The following HMX3 variants were observed in gnomAD, a reference collection of about 807,000 sequenced individuals.
HMX3 encodes homeobox protein HMX3.
HMX3 carries 8 observed loss-of-function variants against 22.8 expected under a neutral mutation model. The ratio of observed to expected loss-of-function variants is 0.35; its 90% confidence interval spans 0.21 to 0.63. The LOEUF is 0.63. Ranked by LOEUF, HMX3 falls within the 30% of genes least tolerant of loss-of-function variation. The probability of loss-of-function intolerance (pLI) is 0.72; values close to 1 mark genes in which losing one functional copy is unlikely to be tolerated. For synonymous variants in HMX3, 331 were observed against 250.9 expected (o/e 1.32, Z -3.02); for missense variants, 527 against 520.6 (o/e 1.01, Z -0.12).
rs1312345728 is a variant in HMX3, at chr10:123,136,656, G to T, written c.400+206G>T. Among the ~76,000 whole-genome samples, 7 of 152,182 alleles carry T rather than the reference G, an allele frequency of 4.6e-5. No individual in the cohort carries two copies. The highest frequency in any genetic ancestry group is 7.3e-5 in the Non-Finnish European group (5 of 68,038). ...TGGTGAGAAAAGAAGTGGAATTGGA[G>T]CCCCGGGCACGGTGCTTCCCGGGAA... On this transcript the variant is annotated intron_variant, in intron 1 of 1. Coordinates refer to ENST00000357878, the MANE Select transcript of HMX3 (RefSeq NM_001105574.2). The surrounding 1 kb of genome is among the most constrained non-coding windows in gnomAD (Gnocchi z 4.8).
chr10:123,137,748 G>A lies in HMX3; in HGVS notation c.*17G>A, dbSNP rs1158111173. The A allele has an allele frequency of 6.4e-6, 9 of 1,414,404 alleles. No homozygotes were observed. The African/African-American group carries it at 9.0e-5, about 14-fold the overall frequency. 87.6% of individuals were successfully genotyped at this position (1,414,404 alleles called of 1,614,324 possible). A position where few individuals can be genotyped will look rare whatever the true frequency, so the allele number is the denominator to read the frequency against. ...CCGGTCTGAGGCCCCAGAGGGGTGG[G>A]GGAGGGAGCGCCCGGCCTCCTTGTC... is the stretch of plus-strand genomic sequence containing the variant. On this transcript the variant is annotated 3_prime_UTR_variant, in exon 2 of 2. Coordinates refer to ENST00000357878, the MANE Select transcript of HMX3 (RefSeq NM_001105574.2). This position sits in a 1 kb window ranked among gnomAD's most constrained non-coding sequence, Gnocchi z 5.8.
In HMX3 at chr10:123,137,629, G is replaced by T. The variant is rs1215901748; in HGVS notation, c.972G>T (p.Ala324=). 2.6e-6 allele frequency: 4 copies of T among 1,533,054 alleles called. No homozygotes were observed. Among genetic ancestry groups the T allele is most frequent in the Admixed American group, 4.2e-5 (2 of 48,126 alleles). 95.0% of individuals were successfully genotyped at this position (1,533,054 alleles called of 1,614,324 possible). The change falls in exon 2 of 2, where the codon GCG becomes GCT. Residue 324 remains alanine (A), a synonymous_variant. Transcript: ENST00000357878. This position sits in a 1 kb window ranked among gnomAD's most constrained non-coding sequence, Gnocchi z 5.8. ...SAAEGAAAAA[A]GAPVPVSQPL... is the part of the protein sequence containing the mutation. ...CCGAGGGCGCGGCGGCTGCAGCCGC[G>T]GGGGCCCCGGTGCCAGTCAGCCAGC...
At position 123,136,601 on chromosome 10, in the gene HMX3, G is replaced by T. The variant is rs887988112; in HGVS notation, c.400+151G>T. 2.5e-5 allele frequency: 14 copies of T among 552,662 alleles called. No individual in the cohort carries two copies. In the African/African-American group the frequency reaches 2.7e-4, roughly 11 times the overall value. The allele number at this position is 552,662 out of a possible 1,614,324, so 34.2% of individuals were successfully genotyped here. On this transcript the variant is annotated intron_variant, in intron 1 of 1. Transcript: ENST00000357878. This position sits in a 1 kb window ranked among gnomAD's most constrained non-coding sequence, Gnocchi z 4.8. ...CGGCCCCTAGCCTGCCCTCGCGCTG[G>T]GTTGCGCTGCCCGTTAATCCAATCC...
rs572441443 is a variant in HMX3, at chr10:123,136,428, C to T, written c.378C>T (p.Gly126=). Reference sequence around the variant, plus strand: ...ACCCCTACACCCTGACCCCCGCCGGCGGCCACCTCCCGCGACCTGAAGGTA... The same window carrying T: ...ACCCCTACACCCTGACCCCCGCCGGTGGCCACCTCCCGCGACCTGAAGGTA... ...WWYPYTLTPA[G]GHLPRPEASE... The change falls in exon 1 of 2, where the codon GGC becomes GGT. Residue 126 remains glycine (G), a synonymous_variant. Transcript: ENST00000357878. This position sits in a 1 kb window ranked among gnomAD's most constrained non-coding sequence, Gnocchi z 4.8. 6 of 1,469,292 alleles carry T rather than the reference C, an allele frequency of 4.1e-6. No homozygotes were observed. In the East Asian group the frequency reaches 1.1e-4, roughly 27 times the overall value. The allele number at this position is 1,469,292 out of a possible 1,614,324, so 91.0% of individuals were successfully genotyped here.
In HMX3 at chr10:123,137,383, C is replaced by G. The variant is rs372099696; in HGVS notation, c.726C>G (p.Leu242=). Residue 242 remains leucine (L), a synonymous_variant, in exon 2 of 2, where the codon CTC becomes CTG. Coordinates refer to ENST00000357878, the MANE Select transcript of HMX3 (RefSeq NM_001105574.2). This position sits in a 1 kb window ranked among gnomAD's most constrained non-coding sequence, Gnocchi z 5.8. Reference sequence around the variant, plus strand: ...TCTCGCGCAGCCAGGTCTTCCAGCTCGAGTCCACCTTCGACATGAAGCGCT... The same window carrying G: ...TCTCGCGCAGCCAGGTCTTCCAGCTGGAGTCCACCTTCGACATGAAGCGCT... ...TVFSRSQVFQ[L]ESTFDMKRYL... 3 of 1,613,436 alleles carry G rather than the reference C, an allele frequency of 1.9e-6. No individual in the cohort carries two copies. In the Admixed American group the frequency reaches 5.0e-5, roughly 27 times the overall value.
At position 123,137,584 on chromosome 10, in the gene HMX3, C is replaced by A; in HGVS notation, c.927C>A (p.Leu309=). Residue 309 remains leucine (L), a synonymous_variant, in exon 2 of 2, where the codon CTC becomes CTA. Coordinates refer to ENST00000357878, the MANE Select transcript of HMX3 (RefSeq NM_001105574.2). This position sits in a 1 kb window ranked among gnomAD's most constrained non-coding sequence, Gnocchi z 5.8. ...AAQRIVRVPI[L]YHENSAAEGA... ...AGCGCATCGTGCGGGTGCCCATCCTCTACCACGAGAACTCGGCGGCCGAGG... is the reference window on the plus strand; with the variant it reads ...AGCGCATCGTGCGGGTGCCCATCCTATACCACGAGAACTCGGCGGCCGAGG... 6.2e-7 allele frequency: 1 copy of A among 1,600,810 alleles called. No homozygotes were observed. Among genetic ancestry groups the A allele is most frequent in the Middle Eastern group, 1.7e-4 (1 of 5,992 alleles).
chr10:123,136,909 G>C lies in HMX3; in HGVS notation c.401-149G>C. 11 of 924,992 alleles carry C rather than the reference G, an allele frequency of 1.2e-5. No homozygotes were observed. Among genetic ancestry groups the C allele is most frequent in the Non-Finnish European group, 1.7e-5 (11 of 640,298 alleles). 57.3% of individuals were successfully genotyped at this position (924,992 alleles called of 1,614,324 possible). ...TCGGCGTCCCTTCTCTGGCCCAGCC[G>C]AGAAGGAGGCAGCCCGCGGGAATGG... On this transcript the variant is annotated intron_variant, in intron 1 of 1. Coordinates refer to ENST00000357878, the MANE Select transcript of HMX3 (RefSeq NM_001105574.2). This position sits in a 1 kb window ranked among gnomAD's most constrained non-coding sequence, Gnocchi z 4.8.
rs1844100911 is a variant in HMX3 at position 123,138,294 on chromosome 10, T to A, written c.*563T>A. Among the ~76,000 whole-genome samples the A allele has an allele frequency of 1.3e-5, 2 of 151,946 alleles. No individual in the cohort carries two copies. Among genetic ancestry groups the A allele is most frequent in the Non-Finnish European group, 2.9e-5 (2 of 67,984 alleles). ...CCTCCCGAGTAGCTGGGATTGCAGG[T>A]GTGTGCCACCACGTCCGGCTAATTT... On this transcript the variant is annotated 3_prime_UTR_variant, in exon 2 of 2. Transcript: ENST00000357878.
rs376174025 is a variant in HMX3, at chr10:123,137,276, C to T, written c.619C>T (p.Pro207Ser). 60 of 1,594,838 alleles carry T rather than the reference C, an allele frequency of 3.8e-5. No homozygotes were observed. Among genetic ancestry groups the T allele is most frequent in the Middle Eastern group, 1.7e-4 (1 of 6,044 alleles). ...GAGCGTAGGGGCGGCGGCGGCCACT[C>T]CGGGCGCAGAAGACTGGAAGAAGGG... ...GASVGAAAATPGAEDWKKGAE... is the reference protein window; with the variant it reads ...GASVGAAAATSGAEDWKKGAE... Residue 207 changes from proline to serine, a missense_variant, in exon 2 of 2, where the codon CCG becomes TCG. Transcript: ENST00000357878. The surrounding 1 kb of genome is among the most constrained non-coding windows in gnomAD (Gnocchi z 5.8).
rs570089436 is a variant in HMX3 at position 123,137,538 on chromosome 10, A to T, written c.881A>T (p.Asn294Ile). 3.7e-6 allele frequency: 6 copies of T among 1,611,382 alleles called. No individual in the cohort carries two copies. Among genetic ancestry groups the T allele is most frequent in the African/African-American group, 1.3e-5 (1 of 74,902 alleles). ...RQLAAELEAA[N>I]LSHAAAQRIV... ...CTGGCGGCGGAGCTGGAGGCGGCCAACCTGAGCCATGCCGCGGCGCAGCGC... is the reference window on the plus strand; with the variant it reads ...CTGGCGGCGGAGCTGGAGGCGGCCATCCTGAGCCATGCCGCGGCGCAGCGC... Residue 294 changes from asparagine (N) to isoleucine (I), a missense_variant, in exon 2 of 2, where the codon AAC becomes ATC. Asn to Ile is a moderately radical substitution (Grantham distance 149). Coordinates refer to ENST00000357878, the MANE Select transcript of HMX3 (RefSeq NM_001105574.2). The surrounding 1 kb of genome is among the most constrained non-coding windows in gnomAD (Gnocchi z 5.8).
chr10:123,136,374 C>A lies in HMX3; in HGVS notation c.324C>A (p.His108Gln). ...IPAQRFALPAHYLERSPAWWY... is the reference protein window; with the variant it reads ...IPAQRFALPAQYLERSPAWWY... ...CGCAGAGGTTTGCCCTGCCCGCGCACTACCTGGAGCGCTCCCCAGCCTGGT... is the reference window on the plus strand; with the variant it reads ...CGCAGAGGTTTGCCCTGCCCGCGCAATACCTGGAGCGCTCCCCAGCCTGGT... The change falls in exon 1 of 2, where the codon CAC (histidine) becomes CAA (glutamine). Residue 108 changes from histidine to glutamine, a missense_variant. His to Gln is a conservative substitution (Grantham distance 24). Around this residue, in one of 3 missense-constraint regions of HMX3, gnomAD observed 386 missense variants for 337.8 expected, o/e 1.14. Transcript: ENST00000357878. This position sits in a 1 kb window ranked among gnomAD's most constrained non-coding sequence, Gnocchi z 4.8. 6.4e-7 allele frequency: 1 copy of A among 1,565,774 alleles called. No homozygotes were observed. The highest frequency in any genetic ancestry group is 1.2e-5 in the South Asian group (1 of 86,112).
chr10:123,137,138 G>A lies in HMX3; in HGVS notation c.481G>A (p.Asp161Asn), dbSNP rs1489594031. ...CTCTCCGGAGCCACTGCTCAAGGCC[G>A]ACCCCGATCACAAGGAGCTGGACTC... is the stretch of plus-strand genomic sequence containing the variant. Reference protein sequence around the residue: ...RDSPEPLLKADPDHKELDSKS... With the variant: ...RDSPEPLLKANPDHKELDSKS... Residue 161 changes from aspartate to asparagine, a missense_variant, in exon 2 of 2, where the codon GAC (aspartate) becomes AAC (asparagine). Asp to Asn is a conservative substitution (Grantham distance 23). Transcript: ENST00000357878. The surrounding 1 kb of genome is among the most constrained non-coding windows in gnomAD (Gnocchi z 5.8). The A allele has an allele frequency of 1.2e-6, 2 of 1,608,730 alleles. No individual in the cohort carries two copies. The highest frequency in any genetic ancestry group is 2.2e-5 in the South Asian group (2 of 90,188).
Position 123,137,325 on chromosome 10 carries a change from C to T in HMX3, c.668C>T (p.Pro223Leu). 2 of 1,610,552 alleles carry T rather than the reference C, an allele frequency of 1.2e-6. No homozygotes were observed. Among genetic ancestry groups the T allele is most frequent in the South Asian group, 1.1e-5 (1 of 90,762 alleles). ...GGCGCTGAAAGTCCAGAGAAGAAGC[C>T]GGCGTGCCGCAAGAAGAAGACGCGC... ...KKGAESPEKK[P>L]ACRKKKTRTV... The change falls in exon 2 of 2, where the codon CCG (proline) becomes CTG (leucine). Residue 223 changes from proline (P) to leucine (L), a missense_variant. Pro to Leu is a moderately conservative substitution (Grantham distance 98). Transcript: ENST00000357878. The surrounding 1 kb of genome is among the most constrained non-coding windows in gnomAD (Gnocchi z 5.8).
In HMX3 at chr10:123,137,422, G is replaced by A. The variant is rs1379086767; in HGVS notation, c.765G>A (p.Ser255=). 2 of 1,613,322 alleles carry A rather than the reference G, an allele frequency of 1.2e-6. No individual in the cohort carries two copies. Among genetic ancestry groups the A allele is most frequent in the African/African-American group, 1.3e-5 (1 of 74,932 alleles). ...ACATGAAGCGCTATCTGAGCAGCTC[G>A]GAGCGAGCCGGCCTGGCCGCGTCCC... ...TFDMKRYLSS[S]ERAGLAASLH... Residue 255 remains serine, a synonymous_variant, in exon 2 of 2, where the codon TCG becomes TCA. Coordinates refer to ENST00000357878, the MANE Select transcript of HMX3 (RefSeq NM_001105574.2). This position sits in a 1 kb window ranked among gnomAD's most constrained non-coding sequence, Gnocchi z 5.8.
chr10:123,136,416 G>A lies in HMX3; in HGVS notation c.366G>A (p.Leu122=). 6.7e-7 allele frequency: 1 copy of A among 1,497,470 alleles called. No individual in the cohort carries two copies. The highest frequency in any genetic ancestry group is 8.9e-7 in the Non-Finnish European group (1 of 1,122,388). The allele number at this position is 1,497,470 out of a possible 1,614,324, so 92.8% of individuals were successfully genotyped here. Residue 122 remains leucine (L), a synonymous_variant, in exon 1 of 2, where the codon CTG becomes CTA. Coordinates refer to ENST00000357878, the MANE Select transcript of HMX3 (RefSeq NM_001105574.2). The surrounding 1 kb of genome is among the most constrained non-coding windows in gnomAD (Gnocchi z 4.8). ...RSPAWWYPYT[L]TPAGGHLPRP... is the part of the protein sequence containing the mutation. ...CAGCCTGGTGGTACCCCTACACCCT[G>A]ACCCCCGCCGGCGGCCACCTCCCGC...
At position 123,136,208 on chromosome 10, in the gene HMX3, G is replaced by A; in HGVS notation, c.158G>A (p.Arg53Gln). ...RPPPKPQPPP[R>Q]TLFAPASAAA... ...CCCCCTAAGCCTCAGCCGCCCCCAC[G>A]GACGCTCTTCGCGCCAGCCTCGGCT... Residue 53 changes from arginine (R) to glutamine (Q), a missense_variant, in exon 1 of 2, where the codon CGG becomes CAG. Arg to Gln is a conservative substitution (Grantham distance 43). Transcript: ENST00000357878. The surrounding 1 kb of genome is among the most constrained non-coding windows in gnomAD (Gnocchi z 4.8). 1 of 1,265,380 alleles carries A rather than the reference G, an allele frequency of 7.9e-7. No individual in the cohort carries two copies. The highest frequency in any genetic ancestry group is 1.0e-6 in the Non-Finnish European group (1 of 996,790). 78.4% of individuals were successfully genotyped at this position (1,265,380 alleles called of 1,614,324 possible).
chr10:123,139,068 A>AG lies in HMX3; in HGVS notation c.*1343dup, dbSNP rs973332436. ...AGAAAGAAAAAAGTAGGCAGGGGAAAGGGGGGAAGAAAGAAACAAGCTTAG... is the reference window on the plus strand; with the variant it reads ...AGAAAGAAAAAAGTAGGCAGGGGAAAGGGGGGGAAGAAAGAAACAAGCTTAG... On this transcript the variant is annotated 3_prime_UTR_variant, in exon 2 of 2. Coordinates refer to ENST00000357878, the MANE Select transcript of HMX3 (RefSeq NM_001105574.2). Among the ~76,000 whole-genome samples, 2 of 152,212 alleles carry AG rather than the reference A, an allele frequency of 1.3e-5. No homozygotes were observed. Among genetic ancestry groups the AG allele is most frequent in the African/African-American group, 4.8e-5 (2 of 41,450 alleles).
rs1268757711 is a variant in HMX3, at chr10:123,136,046, G to T, written c.-5G>T. 1.7e-5 allele frequency: 24 copies of T among 1,378,000 alleles called. No individual in the cohort carries two copies. The highest frequency in any genetic ancestry group is 2.3e-5 in the Non-Finnish European group (24 of 1,064,436). 85.4% of individuals were successfully genotyped at this position (1,378,000 alleles called of 1,614,324 possible). ...CCCTCCCGGGGACCCGGAGGAGAGGGGACCATGCCGGAACCCGGGCCGGAC... is the reference window on the plus strand; with the variant it reads ...CCCTCCCGGGGACCCGGAGGAGAGGTGACCATGCCGGAACCCGGGCCGGAC... On this transcript the variant is annotated 5_prime_UTR_variant, in exon 1 of 2. Coordinates refer to ENST00000357878, the MANE Select transcript of HMX3 (RefSeq NM_001105574.2). The surrounding 1 kb of genome is among the most constrained non-coding windows in gnomAD (Gnocchi z 4.8).
rs760154656 is a variant in HMX3, at chr10:123,137,099, G to T, written c.442G>T (p.Gly148Cys). 13 of 1,610,788 alleles carry T rather than the reference G, an allele frequency of 8.1e-6. No individual in the cohort carries two copies. ...ALLRDSSPAS[G>C]TDRDSPEPLL... Reference sequence around the variant, plus strand: ...GCTGAGAGACTCCTCCCCCGCCTCCGGCACAGACCGCGACTCTCCGGAGCC... The same window carrying T: ...GCTGAGAGACTCCTCCCCCGCCTCCTGCACAGACCGCGACTCTCCGGAGCC... Residue 148 changes from glycine to cysteine, a missense_variant, in exon 2 of 2, where the codon GGC (glycine) becomes TGC (cysteine). Physicochemically the swap from Gly to Cys is radical, Grantham distance 159 (BLOSUM62 -3). Around this residue, in one of 3 missense-constraint regions of HMX3, gnomAD observed 386 missense variants for 337.8 expected, o/e 1.14. Transcript: ENST00000357878. This position sits in a 1 kb window ranked among gnomAD's most constrained non-coding sequence, Gnocchi z 5.8.
Sources: allele counts gnomAD v4.1 joint callset (sites outside exome capture counted in the v4.1 genomes callset), GRCh38; gene constraint gnomAD v4.1.1; regional missense constraint gnomAD v4.1.1; non-coding constraint Gnocchi (gnomAD v3.1); transcripts MANE v1.5; gene names NCBI Gene and HGNC (gene_info 2026-07-23, HGNC 2026-07-21).